NBEAL1: variants seen among roughly 807,000 people sequenced by gnomAD.
The protein encoded by NBEAL1 is neurobeachin like 1.
A neutral mutation model predicts 351.3 loss-of-function variants in NBEAL1; 273 were observed. The observed-to-expected ratio is 0.78, with a 90% CI of 0.70 to 0.86. The LOEUF is 0.86. NBEAL1 is among the 40% of genes least tolerant of loss of function. The pLI, the probability that NBEAL1 is intolerant of heterozygous loss-of-function variation, is 0.00. For synonymous variants in NBEAL1, 1,050 were observed against 1,086.4 expected (o/e 0.97, Z 0.66); for missense variants, 2,961 against 3,201.3 (o/e 0.92, Z 1.81).
chr2:203,026,740 C>G (rs774982149), intron 2 of NBEAL1, among the ~76,000 whole-genome samples: 12 of 152,154 alleles, frequency 7.9e-5, no homozygotes, highest in Non-Finnish European at 1.6e-4. Context: ...GTCTCAATCT[C>G]TTGACCTTGT....
In NBEAL1 at chr2:203,217,996, G is replaced by A; in HGVS notation, c.*642G>A. ...TTGAGTAGAAAAAAGTGGAACTAGA[G>A]ATACATTTTACAGATGTATTTCCTT... On this transcript the variant is annotated 3_prime_UTR_variant, in exon 56 of 56. Transcript: ENST00000683969. 4.7e-6 allele frequency: 4 copies of A among 842,420 alleles called. No individual in the cohort carries two copies. Among genetic ancestry groups the A allele is most frequent in the Non-Finnish European group, 5.7e-6 (4 of 699,818 alleles). 52.2% of individuals were successfully genotyped at this position (842,420 alleles called of 1,614,324 possible). A position where few individuals can be genotyped will look rare whatever the true frequency, so the allele number is the denominator to read the frequency against.
Position 203,116,582 on chromosome 2 carries a change from G to A in NBEAL1, c.2592+512G>A, listed in dbSNP as rs550377598. 7.4e-5 allele frequency among the ~76,000 whole-genome samples: 11 copies of A among 149,038 alleles called. 1 individual carries two copies. In the South Asian group the frequency reaches 2.1e-3, roughly 29 times the overall value. On this transcript the variant is annotated intron_variant, in intron 18 of 55. Coordinates refer to ENST00000683969, the MANE Select transcript of NBEAL1 (RefSeq NM_001378026.1). Reference sequence around the variant, plus strand: ...GGCCAGGAGTTCCAGACTAGCCTAAGCAACATAGCGAGACCCCTGTCTCTA... The same window carrying A: ...GGCCAGGAGTTCCAGACTAGCCTAAACAACATAGCGAGACCCCTGTCTCTA...
intron 10 of NBEAL1, among the ~76,000 whole-genome samples, chr2:203,093,257 A>AG: frequency 7.6e-6 from 1 of 131,822 alleles, no homozygotes; most frequent in East Asian, 2.1e-4. Flanking sequence ...AAAAAAAAAA[A>AG]AGAATCTGCT....
intron 2 of NBEAL1, chr2:203,040,517 A>G: frequency 1.5e-6 from 1 of 673,016 alleles, no homozygotes; most frequent in South Asian, 1.4e-5. Flanking sequence ...GTGGAAACTT[A>G]TGTGACCTGG....
At chr2:203,093,558 G>C (rs1362111918) in intron 10 of NBEAL1, among the ~76,000 whole-genome samples, 1 of 152,098 alleles carries the variant, frequency 6.6e-6, no homozygotes, top group African/African-American at 2.4e-5. Context: ...TCTCTTTGAA[G>C]AGGGAAAACT....
rs1299738393 is a variant in NBEAL1 at position 203,210,993 on chromosome 2, C to T, written c.7821C>T (p.Gly2607=). 1.3e-6 allele frequency: 2 copies of T among 1,592,806 alleles called. No homozygotes were observed. Among genetic ancestry groups the T allele is most frequent in the Non-Finnish European group, 1.7e-6 (2 of 1,168,154 alleles). The change falls in exon 54 of 56, where the codon GGC becomes GGT. Residue 2607 remains glycine (G), a synonymous_variant. Transcript: ENST00000683969. ...CATTACATCTGTTTTCTATAAATGG[C>T]AAGTATCTAGGGTCTCAAATCCTGA... ...KNALHLFSIN[G]KYLGSQILKE... is the part of the protein sequence containing the mutation.
At position 203,203,915 on chromosome 2, in the gene NBEAL1, G is replaced by GT. The variant is rs774607837; in HGVS notation, c.7506+1135dup. Among the ~76,000 whole-genome samples, 1,278 of 145,952 alleles carry GT rather than the reference G, an allele frequency of 8.8e-3. 15 individuals carry two copies. The highest frequency in any genetic ancestry group is 0.039 in the Middle Eastern group (11 of 284). On this transcript the variant is annotated intron_variant, in intron 51 of 55. Transcript: ENST00000683969. ...TTAGCCATACCCTCTTTTGTTTTTTGTGTTTTTTTTGTTATTTTTTGTTTT... is the reference window on the plus strand; with the variant it reads ...TTAGCCATACCCTCTTTTGTTTTTTGTTGTTTTTTTTGTTATTTTTTGTTTT...
rs2105805654 is a variant in NBEAL1 at position 203,199,340 on chromosome 2, A to T, written c.7131A>T (p.Ile2377=). 6.5e-7 allele frequency: 1 copy of T among 1,546,718 alleles called. No individual in the cohort carries two copies. Among genetic ancestry groups the T allele is most frequent in the African/African-American group, 1.4e-5 (1 of 73,456 alleles). ...FMSQGSPELL[I]TISMNYVIGT... ...AGTCTTCATATGTTCTTTTCCAGAT[A>T]ACAATAAGCATGAATTATGTTATTG... Residue 2377 remains isoleucine, a splice_region_variant and synonymous_variant, in exon 49 of 56, where the codon ATA becomes ATT. Coordinates refer to ENST00000683969, the MANE Select transcript of NBEAL1 (RefSeq NM_001378026.1).
At chr2:203,131,947 G>T in intron 25 of NBEAL1, 26 bp from the exon 26 acceptor site, 2 of 1,456,058 alleles carry the variant, frequency 1.4e-6, no homozygotes, top group South Asian at 1.4e-5. Context: ...TTTCTATATT[G>T]AGAATATATT....
At chr2:203,203,581 C>A (rs1038117937) in intron 51 of NBEAL1, among the ~76,000 whole-genome samples, 4 of 152,102 alleles carry the variant, frequency 2.6e-5, no homozygotes, top group African/African-American at 9.7e-5. Flanking sequence ...GAGCGTGGGA[C>A]ATGCTTGTGG....
At chr2:203,099,554 GA>G in intron 11 of NBEAL1, 74 bp from the exon 12 acceptor site, 1 of 947,830 alleles carries the variant, frequency 1.1e-6, no homozygotes, top group Non-Finnish European at 1.6e-6. Flanking sequence ...CAGGTTTTCA[GA>G]CCAAAGGTTT....
intron 8 of NBEAL1, among the ~76,000 whole-genome samples, chr2:203,078,880 C>A (rs2061824204): frequency 1.3e-5 from 2 of 151,994 alleles, no homozygotes; most frequent in African/African-American, 2.4e-5. Flanking sequence ...ATTAATAAAA[C>A]AAATCTGTGA....
chr2:203,028,601 TAAACTCCATTTGAC>T (rs946287000), intron 2 of NBEAL1, among the ~76,000 whole-genome samples: 21 of 151,420 alleles, frequency 1.4e-4, no homozygotes, highest in African/African-American at 5.1e-4. Flanking sequence ...TGGAATGTTT[TAAACTCCATTTGAC>T]AAGTGTCAAT....
At position 203,135,787 on chromosome 2, in the gene NBEAL1, A is replaced by C. The variant is rs777840359; in HGVS notation, c.3924A>C (p.Gly1308=). The change falls in exon 28 of 56, where the codon GGA becomes GGC. Residue 1308 remains glycine, a synonymous_variant. Transcript: ENST00000683969. ...TTTTAAAAGCAAAATTTGAAAACGG[A>C]AATACTCTTCATAAGCACAGTAGAG... ...RLFLKAKFEN[G]NTLHKHSRAV... is the part of the protein sequence containing the mutation. 1 of 1,611,766 alleles carries C rather than the reference A, an allele frequency of 6.2e-7. No individual in the cohort carries two copies. The highest frequency in any genetic ancestry group is 1.1e-5 in the South Asian group (1 of 90,582).
At chr2:203,131,833 G>A (rs879131227) in intron 25 of NBEAL1, 140 bp from the exon 26 acceptor site, 4 of 539,942 alleles carry the variant, frequency 7.4e-6, no homozygotes, top group African/African-American at 2.0e-5. Context: ...TAAGTTAATA[G>A]CAATACTTAC....
At chr2:203,209,713 A>ATGTGTGTGTGTGTG (rs56169732) in intron 53 of NBEAL1, among the ~76,000 whole-genome samples, 8,135 of 138,524 alleles carry the variant, frequency 0.059, 323 homozygotes, top group South Asian at 0.087. Flanking sequence ...TTTAATTAAT[A>ATGTGTGTGTGTGTG]TGTGTGTGTG....
chr2:203,135,828 A>G lies in NBEAL1; in HGVS notation c.3965A>G (p.Asp1322Gly), dbSNP rs770094448. ...HKHSRAVLMK[D>G]NDKNMSTEDT... ...CACAGTAGAGCTGTTTTAATGAAAG[A>G]CAATGATAAAAATATGTCAACTGAA... The change falls in exon 28 of 56, where the codon GAC becomes GGC. Residue 1322 changes from aspartate to glycine, a missense_variant. By Grantham distance (94) the Asp-to-Gly change is moderately conservative. Transcript: ENST00000683969. 1.9e-6 allele frequency: 3 copies of G among 1,613,946 alleles called. No homozygotes were observed. The Admixed American group carries it at 5.0e-5, about 27-fold the overall frequency.
At chr2:203,130,224 A>G in intron 24 of NBEAL1, 94 bp from the exon 25 acceptor site, 4 of 1,174,094 alleles carry the variant, frequency 3.4e-6, no homozygotes, top group Non-Finnish European at 4.7e-6. Flanking sequence ...AACATTATAT[A>G]GGATTTAATT....
chr2:203,175,244 G>A lies in NBEAL1; in HGVS notation c.6421G>A (p.Val2141Ile). The A allele has an allele frequency of 6.2e-7, 1 of 1,613,908 alleles. No homozygotes were observed. The highest frequency in any genetic ancestry group is 8.5e-7 in the Non-Finnish European group (1 of 1,179,928). Reference sequence around the variant, plus strand: ...GGGGGTCATGCACTATCTCATTCGTGTAGAACCGTTCACCACCCTCCACAT... The same window carrying A: ...GGGGGTCATGCACTATCTCATTCGTATAGAACCGTTCACCACCCTCCACAT... ...SAGVMHYLIR[V>I]EPFTTLHIQL... Residue 2141 changes from valine to isoleucine, a missense_variant, in exon 42 of 56, where the codon GTA becomes ATA. Physicochemically the swap from Val to Ile is conservative, Grantham distance 29 (BLOSUM62 3). Coordinates refer to ENST00000683969, the MANE Select transcript of NBEAL1 (RefSeq NM_001378026.1).
Sources: allele counts gnomAD v4.1 joint callset (sites outside exome capture counted in the v4.1 genomes callset), GRCh38; gene constraint gnomAD v4.1.1; transcripts MANE v1.5; gene names NCBI Gene and HGNC (gene_info 2026-07-23, HGNC 2026-07-21).